PIEZO2: variants seen among roughly 807,000 people sequenced by gnomAD.
PIEZO2 encodes piezo-type mechanosensitive ion channel component 2.
A neutral mutation model predicts 337.3 loss-of-function variants in PIEZO2; 172 were observed. The ratio of observed to expected loss-of-function variants is 0.51; its 90% CI spans 0.45 to 0.58. The LOEUF (loss-of-function observed/expected upper bound fraction) is 0.58. PIEZO2 is among the 20% of genes least tolerant of loss of function. The pLI, the probability that PIEZO2 is intolerant of heterozygous loss-of-function variation, is 0.00. For synonymous variants in PIEZO2, 1,251 were observed against 1,228.5 expected (o/e 1.02, Z -0.38); for missense variants, 3,028 against 3,391.3 (o/e 0.89, Z 2.66).
At chr18:10,816,182 C>A (rs1051310602) in intron 7 of PIEZO2, among the ~76,000 whole-genome samples, 7 of 152,170 alleles carry the variant, frequency 4.6e-5, no homozygotes, top group Non-Finnish European at 1.0e-4. Context: ...CTCTCCATCC[C>A]CAGACCCACC....
rs2040168932 is a variant in PIEZO2 at position 11,125,923 on chromosome 18, C to T, written c.64+22602G>A. On this transcript the variant is annotated intron_variant, in intron 1 of 55. Coordinates refer to ENST00000674853, the MANE Select transcript of PIEZO2 (RefSeq NM_001378183.1). The surrounding 1 kb of genome is among the most constrained non-coding windows in gnomAD (Gnocchi z 4.4). Reference sequence around the variant, plus strand: ...AGGGCTGCCAGGGCAGCTCTAGTGCCCAACGGTAGAGGAAGAATGGTGCCT... The same window carrying T: ...AGGGCTGCCAGGGCAGCTCTAGTGCTCAACGGTAGAGGAAGAATGGTGCCT... Among the ~76,000 whole-genome samples the T allele has an allele frequency of 1.3e-5, 2 of 152,190 alleles. No individual in the cohort carries two copies. The highest frequency in any genetic ancestry group is 2.1e-4 in the South Asian group (1 of 4,828).
chr18:11,145,558 C>T (rs1388572988), intron 1 of PIEZO2, among the ~76,000 whole-genome samples: 1 of 152,106 alleles, frequency 6.6e-6, no homozygotes, highest in African/African-American at 2.4e-5. Flanking sequence ...AAATAGATGG[C>T]TAAAATGTAA....
intron 23 of PIEZO2, 100 bp downstream of exon 23, chr18:10,762,400 T>C (rs1388891404): frequency 1.3e-5 from 18 of 1,368,910 alleles, no homozygotes; most frequent in South Asian, 2.9e-5. Context: ...TGAGAAGATA[T>C]GGTTACTATC....
At position 10,795,149 on chromosome 18, in the gene PIEZO2, C is replaced by T. The variant is rs1293244485; in HGVS notation, c.1528-147G>A. The T allele has an allele frequency of 2.9e-6, 2 of 699,184 alleles. No homozygotes were observed. Among genetic ancestry groups the T allele is most frequent in the Non-Finnish European group, 4.6e-6 (2 of 430,416 alleles). The allele number at this position is 699,184 out of a possible 1,614,324, so 43.3% of individuals were successfully genotyped here. ...GAGTTGTGGTGGAGTGATGGAGACCCCAAGCCGTGGAGTGGTGGCTTGGAA... is the reference window on the plus strand; with the variant it reads ...GAGTTGTGGTGGAGTGATGGAGACCTCAAGCCGTGGAGTGGTGGCTTGGAA... On this transcript the variant is annotated intron_variant, in intron 12 of 55. Coordinates refer to ENST00000674853, the MANE Select transcript of PIEZO2 (RefSeq NM_001378183.1). This position sits in a 1 kb window ranked among gnomAD's most constrained non-coding sequence, Gnocchi z 4.4.
intron 11 of PIEZO2, among the ~76,000 whole-genome samples, chr18:10,799,268 T>A (rs576162490): frequency 2.6e-5 from 4 of 152,318 alleles, no homozygotes; most frequent in African/African-American, 9.6e-5. Context: ...CAAATAGAGA[T>A]GCAAATCCAC....
At chr18:10,708,120 A>G (rs2035661960) in intron 40 of PIEZO2, among the ~76,000 whole-genome samples, 155 bp downstream of exon 40, 1 of 152,246 alleles carries the variant, frequency 6.6e-6, no homozygotes, top group Non-Finnish European at 1.5e-5. Flanking sequence ...TACATCTCAC[A>G]GAGGGCAGTG....
rs2144218240 is a variant in PIEZO2 at position 10,795,464 on chromosome 18, A to C, written c.1528-462T>G. On this transcript the variant is annotated intron_variant, in intron 12 of 55. Coordinates refer to ENST00000674853, the MANE Select transcript of PIEZO2 (RefSeq NM_001378183.1). This position sits in a 1 kb window ranked among gnomAD's most constrained non-coding sequence, Gnocchi z 4.4. ...AAACTTATCTGGCTTAGAGAGAAAA[A>C]AAAATGGTATACTCCTGTGAGCTCA... is the stretch of plus-strand genomic sequence containing the variant. Among the ~76,000 whole-genome samples, 1 of 151,904 alleles carries C rather than the reference A, an allele frequency of 6.6e-6. No homozygotes were observed. Among genetic ancestry groups the C allele is most frequent in the Non-Finnish European group, 1.5e-5 (1 of 67,994 alleles).
At chr18:11,075,798 T>A (rs1414271783) in intron 1 of PIEZO2, among the ~76,000 whole-genome samples, 1 of 149,756 alleles carries the variant, frequency 6.7e-6, no homozygotes, top group East Asian at 2.0e-4. Context: ...TTTTTTTTTT[T>A]TTTTTTTTGA....
chr18:11,015,753 T>A (rs2036097057), intron 2 of PIEZO2, among the ~76,000 whole-genome samples: 1 of 152,252 alleles, frequency 6.6e-6, no homozygotes, highest in African/African-American at 2.4e-5. Context: ...ATACTTAAGA[T>A]CTGTTTATTT....
At chr18:10,883,079 C>T (rs564190112) in intron 4 of PIEZO2, among the ~76,000 whole-genome samples, 14 of 152,124 alleles carry the variant, frequency 9.2e-5, no homozygotes, top group Admixed American at 2.6e-4. Flanking sequence ...CCTTGTGATC[C>T]GCCCAACTCA....
intron 3 of PIEZO2, among the ~76,000 whole-genome samples, chr18:10,941,330 C>T (rs1241385972): frequency 2.0e-5 from 3 of 152,116 alleles, no homozygotes; most frequent in Non-Finnish European, 4.4e-5. Context: ...ATACAGAACA[C>T]TCTGAGATGA....
intron 1 of PIEZO2, among the ~76,000 whole-genome samples, chr18:11,120,407 T>C (rs1039266356): frequency 2.6e-5 from 4 of 152,212 alleles, no homozygotes; most frequent in South Asian, 2.1e-4. Context: ...GGGAAGTCAG[T>C]CACTTCAGCA....
In PIEZO2 at chr18:10,979,599, G is replaced by T. The variant is rs778169191; in HGVS notation, c.222C>A (p.His74Gln). Residue 74 changes from histidine to glutamine, a missense_variant, in exon 3 of 56, where the codon CAC becomes CAA. His to Gln is a conservative substitution (Grantham distance 24). Transcript: ENST00000674853. The surrounding 1 kb of genome is among the most constrained non-coding windows in gnomAD (Gnocchi z 4.0). ...TCACCAACGTGATGTGGAAAATGAT[G>T]TGCAGCAACAGGAAGGAAAGACTGA... The part of the protein sequence containing the change: ...CFISLSFLLL[H>Q]IIFHITLVSL... 2 of 1,536,188 alleles carry T rather than the reference G, an allele frequency of 1.3e-6. No individual in the cohort carries two copies. Among genetic ancestry groups the T allele is most frequent in the South Asian group, 2.4e-5 (2 of 83,936 alleles).
At chr18:10,957,529 C>A (rs264186) in intron 3 of PIEZO2, among the ~76,000 whole-genome samples, 71,703 of 151,758 alleles carry the variant, frequency 0.47, 17,127 homozygotes, top group Middle Eastern at 0.52. Flanking sequence ...GAAATGAGCA[C>A]AAGACATAAA....
chr18:10,921,196 T>C (rs1421644668), intron 3 of PIEZO2, among the ~76,000 whole-genome samples: 19 of 152,148 alleles, frequency 1.2e-4, no homozygotes, highest in Non-Finnish European at 1.5e-5. Context: ...CAAAAAAGTT[T>C]CAGTGGAATT....
intron 2 of PIEZO2, among the ~76,000 whole-genome samples, chr18:11,045,343 A>T (rs1329795772): frequency 1.3e-5 from 2 of 150,908 alleles, no homozygotes; most frequent in South Asian, 4.2e-4. Flanking sequence ...TTTGATATAC[A>T]TTATTGTTTC....
rs537444960 is a variant in PIEZO2 at position 10,707,148 on chromosome 18, C to G, written c.5588+1127G>C. Among the ~76,000 whole-genome samples the G allele has an allele frequency of 6.6e-6, 1 of 152,254 alleles. No individual in the cohort carries two copies. The highest frequency in any genetic ancestry group is 1.5e-5 in the Non-Finnish European group (1 of 68,016). On this transcript the variant is annotated intron_variant, in intron 40 of 55. Coordinates refer to ENST00000674853, the MANE Select transcript of PIEZO2 (RefSeq NM_001378183.1). This position sits in a 1 kb window ranked among gnomAD's most constrained non-coding sequence, Gnocchi z 4.2. ...AAAACAGATTTTTGCTAAGACTTAC[C>G]TCAATTAGATATACTTCCTAGGAGG...
rs1305849761 is a variant in PIEZO2 at position 10,862,994 on chromosome 18, A to AT, written c.493-5784dup. On this transcript the variant is annotated intron_variant, in intron 5 of 55. Transcript: ENST00000674853. The surrounding 1 kb of genome is among the most constrained non-coding windows in gnomAD (Gnocchi z 4.4). ...CAGAGCTTTTCATGCAGCTGAATCC[A>AT]TTTTTTTCTCTTCTTCATGGTTAAA... Among the ~76,000 whole-genome samples, 1 of 152,114 alleles carries AT rather than the reference A, an allele frequency of 6.6e-6. No homozygotes were observed. Among genetic ancestry groups the AT allele is most frequent in the Non-Finnish European group, 1.5e-5 (1 of 68,022 alleles).
At chr18:11,122,760 T>C (rs987375099) in intron 1 of PIEZO2, among the ~76,000 whole-genome samples, 2 of 152,170 alleles carry the variant, frequency 1.3e-5, no homozygotes, top group Non-Finnish European at 2.9e-5. Flanking sequence ...TTCATCCAGA[T>C]GCAGCCAGGA....
Sources: allele counts gnomAD v4.1 joint callset (sites outside exome capture counted in the v4.1 genomes callset), GRCh38; gene constraint gnomAD v4.1.1; non-coding constraint Gnocchi (gnomAD v3.1); transcripts MANE v1.5; gene names NCBI Gene and HGNC (gene_info 2026-07-23, HGNC 2026-07-21).